DYNC1H1: variants seen among roughly 807,000 people sequenced by gnomAD.
DYNC1H1 encodes the protein dynein cytoplasmic 1 heavy chain 1, also known as cytoplasmic dynein 1 heavy chain 1.
Under a neutral mutation model 527.1 loss-of-function variants are expected in DYNC1H1, and 51 were observed. The ratio of observed to expected loss-of-function variants is 0.10; its 90% CI spans 0.08 to 0.12. DYNC1H1 has a LOEUF of 0.12. Ranked by LOEUF, DYNC1H1 falls within the 10% of genes least tolerant of loss-of-function variation. DYNC1H1 has a pLI of 1.00. For missense variants in DYNC1H1, 2,771 were observed against 5,971.8 expected (o/e 0.46, Z 17.66); for synonymous variants, 2,189 against 2,278.8 (o/e 0.96, Z 1.12).
At chr14:102,043,697 C>A in intron 69 of DYNC1H1, 178 bp from the exon 70 acceptor site, 1 of 725,652 alleles carries the variant, frequency 1.4e-6, no homozygotes, top group Non-Finnish European at 2.3e-6. Flanking sequence ...TTGGATGACA[C>A]GTCTATTAAT....
At chr14:101,996,507 G>A (rs1346236104) in intron 15 of DYNC1H1, among the ~76,000 whole-genome samples, 1 of 152,202 alleles carries the variant, frequency 6.6e-6, no homozygotes, top group Non-Finnish European at 1.5e-5. Flanking sequence ...GGGCCATCCG[G>A]ATGCAGTGCA....
intron 8 of DYNC1H1, 97 bp from the exon 9 acceptor site, chr14:101,987,356 C>T (rs2047948630): frequency 1.5e-6 from 2 of 1,330,126 alleles, no homozygotes; most frequent in East Asian, 2.5e-5. Context: ...GTGCCTGGAG[C>T]ATTTGTCAAT....
chr14:102,053,859 A>C lies in DYNC1H1; in HGVS notation c.*3296A>C, dbSNP rs1595640787. ...CCTCCTGGGCTTAAGTGATCCTCCC[A>C]CCTCAGCCTCCCCAGACTACAGGTG... On this transcript the variant is annotated 3_prime_UTR_variant, in exon 78 of 78. Transcript: ENST00000360184. 7.2e-6 allele frequency: 1 copy of C among 138,114 alleles called. No homozygotes were observed. Among genetic ancestry groups the C allele is most frequent in the Admixed American group, 7.4e-5 (1 of 13,476 alleles). 8.6% of individuals were successfully genotyped at this position (138,114 alleles called of 1,614,324 possible). A position where few individuals can be genotyped will look rare whatever the true frequency, so the allele number is the denominator to read the frequency against.
chr14:101,994,795 T>C lies in DYNC1H1; in HGVS notation c.3279T>C (p.Phe1093=). 1 of 1,614,220 alleles carries C rather than the reference T, an allele frequency of 6.2e-7. No homozygotes were observed. The highest frequency in any genetic ancestry group is 1.1e-5 in the South Asian group (1 of 91,088). Reference sequence around the variant, plus strand: ...AAATAAGGAAGGCCAGAGGAACCTTTGACAATGCAGAAACCAAGAAAGAGT... The same window carrying C: ...AAATAAGGAAGGCCAGAGGAACCTTCGACAATGCAGAAACCAAGAAAGAGT... ...LVQIRKARGT[F]DNAETKKEFG... The change falls in exon 13 of 78, where the codon TTT becomes TTC. Residue 1093 remains phenylalanine, a synonymous_variant. Coordinates refer to ENST00000360184, the MANE Select transcript of DYNC1H1 (RefSeq NM_001376.5).
chr14:102,014,502 C>T (rs1456961990), intron 34 of DYNC1H1, among the ~76,000 whole-genome samples: 1 of 151,284 alleles, frequency 6.6e-6, no homozygotes, highest in Non-Finnish European at 1.5e-5. Context: ...TGCATTCGAG[C>T]CTGGGCAACA....
chr14:101,984,392 T>C (rs1019240992), intron 7 of DYNC1H1, among the ~76,000 whole-genome samples: 7 of 138,872 alleles, frequency 5.0e-5, no homozygotes, highest in African/African-American at 2.0e-4. Flanking sequence ...TATATATATA[T>C]GCGTATATAT....
At chr14:101,994,446 T>C (rs2048034555) in intron 12 of DYNC1H1, 122 bp downstream of exon 12, 1 of 1,476,674 alleles carries the variant, frequency 6.8e-7, no homozygotes, top group Admixed American at 1.8e-5. Context: ...CTAGATACTA[T>C]TTGCTGTTTC....
intron 72 of DYNC1H1, among the ~76,000 whole-genome samples, chr14:102,046,716 C>A (rs945824263): frequency 6.6e-6 from 1 of 152,094 alleles, no homozygotes; most frequent in African/African-American, 2.4e-5. Flanking sequence ...CCGGCCGGGG[C>A]TTGGCCCAGG....
In DYNC1H1 at chr14:102,001,403, A is replaced by G; in HGVS notation, c.4395+49A>G. Reference sequence around the variant, plus strand: ...GCTTTACGTTGTGTTTCGGGCTGTTACATAGATCTGAGCTATGTAAAAATG... The same window carrying G: ...GCTTTACGTTGTGTTTCGGGCTGTTGCATAGATCTGAGCTATGTAAAAATG... On this transcript the variant is annotated intron_variant, in intron 20 of 77. Transcript: ENST00000360184. This position sits in a 1 kb window ranked among gnomAD's most constrained non-coding sequence, Gnocchi z 5.0. 6.2e-7 allele frequency: 1 copy of G among 1,613,486 alleles called. No individual in the cohort carries two copies. The highest frequency in any genetic ancestry group is 1.7e-5 in the Admixed American group (1 of 60,022).
intron 56 of DYNC1H1, 106 bp downstream of exon 56, chr14:102,034,558 G>A (rs953357843): frequency 1.2e-5 from 19 of 1,581,314 alleles, no homozygotes; most frequent in East Asian, 6.7e-5. Context: ...AAAATGGGGC[G>A]TGGGCATACA....
At chr14:102,034,498 G>A in intron 56 of DYNC1H1, 46 bp downstream of exon 56, 4 of 1,611,600 alleles carry the variant, frequency 2.5e-6, no homozygotes, top group Non-Finnish European at 3.4e-6. Context: ...AATGTGGGTG[G>A]TGATCTTGAA....
intron 11 of DYNC1H1, among the ~76,000 whole-genome samples, chr14:101,992,339 C>G (rs968195032): frequency 6.6e-6 from 1 of 152,164 alleles, no homozygotes; most frequent in Non-Finnish European, 1.5e-5. Context: ...TGGCTAAAAT[C>G]GTGGTGATGT....
intron 12 of DYNC1H1, 99 bp from the exon 13 acceptor site, chr14:101,994,574 A>G (rs367706062): frequency 6.0e-6 from 9 of 1,498,312 alleles, no homozygotes; most frequent in South Asian, 5.9e-5. Context: ...ATAGTGGTGA[A>G]AGACATGAAC....
chr14:101,993,236 T>A (rs892593434), intron 11 of DYNC1H1, among the ~76,000 whole-genome samples: 1 of 152,160 alleles, frequency 6.6e-6, no homozygotes, highest in Admixed American at 6.5e-5. Context: ...CTGAGCTGTT[T>A]CACTGGCACC....
intron 5 of DYNC1H1, 26 bp from the exon 6 acceptor site, chr14:101,982,993 C>T: frequency 6.2e-7 from 1 of 1,605,010 alleles, no homozygotes. Context: ...ATGTGAAAAC[C>T]ATTAACTCTT....
At position 102,039,713 on chromosome 14, in the gene DYNC1H1, A is replaced by G. The variant is rs1329096166; in HGVS notation, c.11671A>G (p.Lys3891Glu). 6.2e-7 allele frequency: 1 copy of G among 1,614,212 alleles called. No homozygotes were observed. Among genetic ancestry groups the G allele is most frequent in the East Asian group, 2.2e-5 (1 of 44,886 alleles). Residue 3891 changes from lysine to glutamate, a missense_variant, in exon 62 of 78, where the codon AAA becomes GAA. By Grantham distance (56) the Lys-to-Glu change is moderately conservative. This residue lies in a region of DYNC1H1 where 120 missense variants were observed against 161.9 expected (regional missense o/e 0.74). Transcript: ENST00000360184. The surrounding 1 kb of genome is among the most constrained non-coding windows in gnomAD (Gnocchi z 7.0). ...ITFAMLLARI[K>E]LKGTVGEPTY... ...CTTTGCCATGCTGCTGGCAAGAATC[A>G]AACTGAAGGGCACCGTGGGGTAAGA... is the stretch of plus-strand genomic sequence containing the variant.
intron 72 of DYNC1H1, chr14:102,047,548 T>C (rs1157102222): frequency 4.0e-5 from 9 of 224,288 alleles, no homozygotes; most frequent in African/African-American, 1.9e-4. Flanking sequence ...AAAATATATA[T>C]ATACACACAC....
Position 102,029,986 on chromosome 14 carries a change from C to G in DYNC1H1, c.9762+48C>G. The G allele has an allele frequency of 1.9e-6, 3 of 1,613,542 alleles. No individual in the cohort carries two copies. The highest frequency in any genetic ancestry group is 2.5e-6 in the Non-Finnish European group (3 of 1,179,956). On this transcript the variant is annotated intron_variant, in intron 50 of 77. Transcript: ENST00000360184. This position sits in a 1 kb window ranked among gnomAD's most constrained non-coding sequence, Gnocchi z 5.3. ...CCTGTAAGGACTGAGCATTTTCAGT[C>G]TCCAATGAGAGAGTAGGAAATGTAG...
chr14:102,013,079 C>G (rs1051227533), intron 34 of DYNC1H1, among the ~76,000 whole-genome samples: 2 of 151,978 alleles, frequency 1.3e-5, no homozygotes, highest in African/African-American at 4.8e-5. Context: ...GAAACCCCAT[C>G]TCTACTAAAA....
Sources: allele counts gnomAD v4.1 joint callset (sites outside exome capture counted in the v4.1 genomes callset), GRCh38; gene constraint gnomAD v4.1.1; regional missense constraint gnomAD v4.1.1; non-coding constraint Gnocchi (gnomAD v3.1); transcripts MANE v1.5; gene names NCBI Gene and HGNC (gene_info 2026-07-23, HGNC 2026-07-21).